Variants in AGTRAP observed in about 807,000 individuals in gnomAD.
AGTRAP encodes the protein angiotensin II receptor associated protein.
Under a neutral mutation model 15.2 loss-of-function variants are expected in AGTRAP, and 7 were observed. The observed-to-expected ratio is 0.46, with a 90% CI of 0.26 to 0.87. The LOEUF is 0.87. AGTRAP is among the 40% of genes least tolerant of loss of function. AGTRAP has a pLI of 0.15. For missense variants in AGTRAP, 187 were observed against 213.4 expected (o/e 0.88, Z 0.77); for synonymous variants, 74 against 89.6 (o/e 0.83, Z 0.98).
intron 1 of AGTRAP, among the ~76,000 whole-genome samples, chr1:11,738,588 C>G (rs1283704377): frequency 6.6e-6 from 1 of 151,794 alleles, no homozygotes; most frequent in Admixed American, 6.6e-5. Flanking sequence ...CACCTCTCCA[C>G]CTCCCTGTAC....
At chr1:11,737,133 T>G (rs960145801) in intron 1 of AGTRAP, among the ~76,000 whole-genome samples, 3 of 152,254 alleles carry the variant, frequency 2.0e-5, no homozygotes, top group Non-Finnish European at 4.4e-5. Flanking sequence ...AATAGATGGT[T>G]ACAAAACAAT....
chr1:11,750,611 AG>A lies in AGTRAP; in HGVS notation c.*420del. The stretch of plus-strand genomic sequence containing the variant: ...TCAGGTCCTGCTCAGCCCGAGGAGC[AG>A]TCTGGCATGGGAGTGAGGCCCCGTC... On this transcript the variant is annotated 3_prime_UTR_variant, in exon 5 of 5. Coordinates refer to ENST00000314340, the MANE Select transcript of AGTRAP (RefSeq NM_020350.5). 9.4e-6 allele frequency: 4 copies of A among 426,008 alleles called. No homozygotes were observed. The highest frequency in any genetic ancestry group is 1.7e-5 in the Non-Finnish European group (4 of 233,960). 26.4% of individuals were successfully genotyped at this position (426,008 alleles called of 1,614,324 possible).
Position 11,750,298 on chromosome 1 carries a change from TC to T in AGTRAP, c.*110del. 9.9e-7 allele frequency: 1 copy of T among 1,006,006 alleles called. No homozygotes were observed. The allele number at this position is 1,006,006 out of a possible 1,614,324, so 62.3% of individuals were successfully genotyped here. A position where few individuals can be genotyped will look rare whatever the true frequency, so the allele number is the denominator to read the frequency against. ...TCTCTTGGACCTAAGATGGAATGTG[TC>T]CCCAGCTCAGGGATTGCCTGAACCA... On this transcript the variant is annotated 3_prime_UTR_variant, in exon 5 of 5. Transcript: ENST00000314340.
At chr1:11,744,112 C>CA (rs1158967894) in intron 1 of AGTRAP, among the ~76,000 whole-genome samples, 8 of 151,860 alleles carry the variant, frequency 5.3e-5, no homozygotes, top group Non-Finnish European at 8.8e-5. Flanking sequence ...CTTGTCTCTA[C>CA]AAAAAAACAA....
At chr1:11,736,371 G>A in intron 1 of AGTRAP, 136 bp downstream of exon 1, 6 of 1,243,418 alleles carry the variant, frequency 4.8e-6, no homozygotes, top group African/African-American at 1.5e-5. Context: ...CAGACCCCAC[G>A]CAAGAAGGAG....
chr1:11,750,302 C>A lies in AGTRAP; in HGVS notation c.*110C>A. ...TTGGACCTAAGATGGAATGTGTCCC[C>A]AGCTCAGGGATTGCCTGAACCAAGA... On this transcript the variant is annotated 3_prime_UTR_variant, in exon 5 of 5. Transcript: ENST00000314340. 1.0e-6 allele frequency: 1 copy of A among 981,858 alleles called. No individual in the cohort carries two copies. The highest frequency in any genetic ancestry group is 2.0e-5 in the Admixed American group (1 of 50,354). 60.8% of individuals were successfully genotyped at this position (981,858 alleles called of 1,614,324 possible). A position where few individuals can be genotyped will look rare whatever the true frequency, so the allele number is the denominator to read the frequency against.
At chr1:11,747,621 C>T in intron 3 of AGTRAP, 76 bp downstream of exon 3, 1 of 1,438,022 alleles carries the variant, frequency 7.0e-7, no homozygotes, top group Middle Eastern at 2.3e-4. Flanking sequence ...CTCTGCTACC[C>T]CGTCCCATCC....
At position 11,745,873 on chromosome 1, in the gene AGTRAP, C is replaced by T. The variant is rs145175838; in HGVS notation, c.62+36C>T. On this transcript the variant is annotated intron_variant, in intron 2 of 4. Transcript: ENST00000314340. This position sits in a 1 kb window ranked among gnomAD's most constrained non-coding sequence, Gnocchi z 4.2. ...CTGTGGGTATCTTGTGTGTCTCCTG[C>T]GGTCTCAGGGTCTGTGTCAGCCGGG... 6,685 of 1,613,274 alleles carry T rather than the reference C, an allele frequency of 4.1e-3. 39 individuals are homozygous for T. Among genetic ancestry groups the T allele is most frequent in the Middle Eastern group, 5.6e-3 (34 of 6,062 alleles).
chr1:11,744,721 G>C (rs565892209), intron 1 of AGTRAP, among the ~76,000 whole-genome samples: 54 of 152,318 alleles, frequency 3.5e-4, no homozygotes, highest in African/African-American at 1.3e-3. Context: ...GCACAAGGAA[G>C]AATTCAGGGC....
At chr1:11,737,910 A>G (rs1282129574) in intron 1 of AGTRAP, among the ~76,000 whole-genome samples, 6 of 152,132 alleles carry the variant, frequency 3.9e-5, no homozygotes, top group African/African-American at 1.4e-4. Flanking sequence ...AAGTGCTGGA[A>G]GGCCCTGAGG....
rs1050522042 is a variant in AGTRAP at position 11,736,284 on chromosome 1, A to T, written c.27+49A>T. On this transcript the variant is annotated intron_variant, in intron 1 of 4. Coordinates refer to ENST00000314340, the MANE Select transcript of AGTRAP (RefSeq NM_020350.5). ...TCCCCTTTGCGGGAGGAAGTGGGAC[A>T]TTTGCATTTTCCCGGAAGGTGGGAG... is the stretch of plus-strand genomic sequence containing the variant. The T allele has an allele frequency of 1.9e-6, 3 of 1,588,938 alleles. No homozygotes were observed. The African/African-American group carries it at 4.0e-5, about 21-fold the overall frequency.
intron 1 of AGTRAP, among the ~76,000 whole-genome samples, chr1:11,744,778 A>G (rs1642120305): frequency 6.6e-6 from 1 of 152,182 alleles, no homozygotes; most frequent in African/African-American, 2.4e-5. Flanking sequence ...AAAGTAAAGG[A>G]ATAAAAGAAT....
chr1:11,744,669 AG>A (rs1642118037), intron 1 of AGTRAP: 1 of 668,380 alleles, frequency 1.5e-6, no homozygotes, highest in Non-Finnish European at 2.8e-6. Flanking sequence ...GTTACAGGAA[AG>A]GGGTCCCAAT....
intron 1 of AGTRAP, among the ~76,000 whole-genome samples, chr1:11,736,616 G>A (rs556538780): frequency 6.6e-6 from 1 of 152,356 alleles, no homozygotes; most frequent in South Asian, 2.1e-4. Flanking sequence ...CCCGCGCGGG[G>A]TCAGGGACTG....
chr1:11,747,767 T>C (rs932250102), intron 3 of AGTRAP, among the ~76,000 whole-genome samples: 1 of 152,218 alleles, frequency 6.6e-6, no homozygotes, highest in African/African-American at 2.4e-5. Flanking sequence ...GAACCCCAAG[T>C]CTGCCATTAT....
At position 11,742,889 on chromosome 1, in the gene AGTRAP, C is replaced by T. The variant is rs534190372; in HGVS notation, c.28-2914C>T. On this transcript the variant is annotated intron_variant, in intron 1 of 4. Transcript: ENST00000314340. ...CTGCCCTTCCACCCAGGCCAGAAACCCCGGCCTTCTTCGCAAACCTTGCCC... is the reference window on the plus strand; with the variant it reads ...CTGCCCTTCCACCCAGGCCAGAAACTCCGGCCTTCTTCGCAAACCTTGCCC... 2.0e-5 allele frequency among the ~76,000 whole-genome samples: 3 copies of T among 152,218 alleles called. No homozygotes were observed. The East Asian group carries it at 5.8e-4, about 29-fold the overall frequency.
rs372020062 is a variant in AGTRAP, at chr1:11,750,111, C to T, written c.399C>T (p.Tyr133=). 2 of 1,613,996 alleles carry T rather than the reference C, an allele frequency of 1.2e-6. No homozygotes were observed. The highest frequency in any genetic ancestry group is 1.6e-4 in the Middle Eastern group (1 of 6,082). ...GGTCTTCTCAGGACCGTAGTGCCTA[C>T]CAGACGATTGACTCAGCAGAGGCGC... ...FLGSSQDRSA[Y]QTIDSAEAPA... Residue 133 remains tyrosine (Y), a synonymous_variant, in exon 5 of 5, where the codon TAC becomes TAT. Transcript: ENST00000314340.
At position 11,748,517 on chromosome 1, in the gene AGTRAP, A is replaced by G; in HGVS notation, c.271A>G (p.Met91Val). The G allele has an allele frequency of 1.2e-6, 2 of 1,612,836 alleles. No homozygotes were observed. Among genetic ancestry groups the G allele is most frequent in the Non-Finnish European group, 1.7e-6 (2 of 1,180,014 alleles). ...GGACACGGGCCGCTTTGGCGTGGGC[A>G]TGGCCATCCTCAGCTTGCTGCTCAA... ...LTDTGRFGVG[M>V]AILSLLLKPL... Residue 91 changes from methionine to valine, a missense_variant, in exon 4 of 5, where the codon ATG becomes GTG. Transcript: ENST00000314340.
At position 11,748,618 on chromosome 1, in the gene AGTRAP, C is replaced by A; in HGVS notation, c.364+8C>A. The A allele has an allele frequency of 6.2e-7, 1 of 1,601,790 alleles. No individual in the cohort carries two copies. The highest frequency in any genetic ancestry group is 8.5e-7 in the Non-Finnish European group (1 of 1,177,606). On this transcript the variant is annotated splice_region_variant and intron_variant, in intron 4 of 4. Coordinates refer to ENST00000314340, the MANE Select transcript of AGTRAP (RefSeq NM_020350.5). ...AGCTCCTGGTCCACACTGGTGAGGCCACCACCTCCAGCCAGCTCCTCACCG... is the reference window on the plus strand; with the variant it reads ...AGCTCCTGGTCCACACTGGTGAGGCAACCACCTCCAGCCAGCTCCTCACCG...
Sources: gnomAD v4.1 joint callset for allele counts (sites outside exome capture counted in the v4.1 genomes callset) on GRCh38, gnomAD v4.1.1 for gene constraint, Gnocchi (gnomAD v3.1) non-coding constraint, MANE v1.5 for transcripts, NCBI Gene and HGNC (gene_info 2026-07-23, HGNC 2026-07-21) for gene names.